OTULINL: variants seen among roughly 807,000 people sequenced by gnomAD.
The protein encoded by OTULINL is OTU deubiquitinase with linear linkage specificity like.
Under a neutral mutation model 43.9 loss-of-function variants are expected in OTULINL, and 42 were observed. The observed-to-expected ratio is 0.96, with a 90% CI of 0.75 to 1.24. The LOEUF is 1.24. Ranked by LOEUF, OTULINL falls within the 50% of genes most tolerant of loss-of-function variation. The probability of loss-of-function intolerance (pLI) is 0.00; values close to 1 mark genes in which losing one functional copy is unlikely to be tolerated. For missense variants in OTULINL, 411 were observed against 426.4 expected, an observed-to-expected ratio of 0.96 and a Z score of 0.32; for synonymous variants, 172 against 153.6, an observed-to-expected ratio of 1.12 and a Z score of -0.88.
intron 1 of OTULINL, among the ~76,000 whole-genome samples, chr5:14,598,645 A>G (rs1759333463): frequency 6.6e-6 from 1 of 152,178 alleles, no homozygotes; most frequent in Non-Finnish European, 1.5e-5. Flanking sequence ...TAAGAGTTTG[A>G]GGTTGCAGTG....
chr5:14,591,756 A>C (rs1445447827), intron 1 of OTULINL, among the ~76,000 whole-genome samples: 1 of 152,148 alleles, frequency 6.6e-6, no homozygotes, highest in Non-Finnish European at 1.5e-5. Context: ...GTAGCTGTGC[A>C]GTACAATCAC....
At chr5:14,582,347 G>A (rs1231719245) in intron 1 of OTULINL, among the ~76,000 whole-genome samples, 1 of 152,018 alleles carries the variant, frequency 6.6e-6, no homozygotes, top group South Asian at 2.1e-4. Flanking sequence ...CGAGCCCGGG[G>A]CGCGTGGACC....
intron 1 of OTULINL, among the ~76,000 whole-genome samples, chr5:14,596,994 T>G (rs1236278651): frequency 6.6e-6 from 1 of 152,176 alleles, no homozygotes; most frequent in South Asian, 2.1e-4. Flanking sequence ...AAAACTAACA[T>G]GTAGGACACA....
chr5:14,592,269 T>C (rs1300671130), intron 1 of OTULINL, among the ~76,000 whole-genome samples: 1 of 152,142 alleles, frequency 6.6e-6, no homozygotes, highest in Non-Finnish European at 1.5e-5. Context: ...AAAGATATCA[T>C]GTAGGGACTG....
rs1338669318 is a variant in OTULINL, at chr5:14,610,951, G to A, written c.*637G>A. On this transcript the variant is annotated 3_prime_UTR_variant, in exon 8 of 8. Transcript: ENST00000274217. ...ACTACTTTGTAATAGTGTACAGTTT[G>A]TTTTATATCTCTTTACTTTTTTTGT... The A allele has an allele frequency of 3.9e-5, 6 of 152,036 alleles. No individual in the cohort carries two copies. The highest frequency in any genetic ancestry group is 2.9e-5 in the Non-Finnish European group (2 of 68,004). 9.4% of individuals were successfully genotyped at this position (152,036 alleles called of 1,614,324 possible).
Position 14,610,275 on chromosome 5 carries a change from G to T in OTULINL, c.1032G>T (p.Leu344=). The change falls in exon 8 of 8, where the codon CTG becomes CTT. Residue 344 remains leucine (L), a synonymous_variant. Transcript: ENST00000274217. The part of the protein sequence containing the change: ...PLRDWPEISL[L]TENDRHYHIP... ...GGGACTGGCCGGAGATCTCCCTGCT[G>T]ACCGAGAACGACCGCCACTACCACA... The T allele has an allele frequency of 6.2e-7, 1 of 1,612,462 alleles. No individual in the cohort carries two copies. Among genetic ancestry groups the T allele is most frequent in the Non-Finnish European group, 8.5e-7 (1 of 1,179,376 alleles).
intron 1 of OTULINL, among the ~76,000 whole-genome samples, chr5:14,589,027 C>T (rs896907942): frequency 5.9e-5 from 9 of 152,058 alleles, no homozygotes; most frequent in African/African-American, 1.9e-4. Context: ...GACACATGGA[C>T]GGGATCCTGA....
chr5:14,594,847 G>T (rs1292018676), intron 1 of OTULINL, among the ~76,000 whole-genome samples: 2 of 151,846 alleles, frequency 1.3e-5, no homozygotes, highest in Non-Finnish European at 2.9e-5. Context: ...TCCTCTGCTT[G>T]CTCACCCACC....
chr5:14,611,733 CTG>C lies in OTULINL; in HGVS notation c.*1421_*1422del, dbSNP rs1759586339. 1 of 151,686 alleles carries C rather than the reference CTG, an allele frequency of 6.6e-6. No homozygotes were observed. Among genetic ancestry groups the C allele is most frequent in the African/African-American group, 2.4e-5 (1 of 41,270 alleles). The allele number at this position is 151,686 out of a possible 1,614,324, so 9.4% of individuals were successfully genotyped here. A position where few individuals can be genotyped will look rare whatever the true frequency, so the allele number is the denominator to read the frequency against. On this transcript the variant is annotated 3_prime_UTR_variant, in exon 8 of 8. Transcript: ENST00000274217. ...TTTTTTTTGGAGGTACTTTGCTAGT[CTG>C]TTTTGAGTTTCAGTACATAAGAATA...
intron 1 of OTULINL, among the ~76,000 whole-genome samples, chr5:14,587,258 G>C (rs1186591031): frequency 1.3e-5 from 2 of 152,210 alleles, no homozygotes; most frequent in African/African-American, 2.4e-5. Context: ...ACTCTCTAGA[G>C]TTAAGAAAGA....
intron 5 of OTULINL, among the ~76,000 whole-genome samples, chr5:14,605,180 T>A (rs1353613899): frequency 6.6e-6 from 1 of 152,232 alleles, no homozygotes; most frequent in African/African-American, 2.4e-5. Context: ...TCTTGACTTC[T>A]GTGTACCCAC....
chr5:14,610,066 C>T, intron 7 of OTULINL, 75 bp from the exon 8 acceptor site: 1 of 1,310,422 alleles, frequency 7.6e-7, no homozygotes, highest in Non-Finnish European at 1.1e-6. Flanking sequence ...TGCAGAGGAA[C>T]ACTTCCCCCC....
rs114879278 is a variant in OTULINL at position 14,607,381 on chromosome 5, A to G, written c.550A>G (p.Ser184Gly). The change falls in exon 6 of 8, where the codon AGT becomes GGT. Residue 184 changes from serine (S) to glycine (G), a missense_variant. Physicochemically the swap from Ser to Gly is moderately conservative, Grantham distance 56 (BLOSUM62 0). Coordinates refer to ENST00000274217, the MANE Select transcript of OTULINL (RefSeq NM_019018.3). Reference sequence around the variant, plus strand: ...AGGTTGTAATTGGATTCAGCAGTACAGTTTTGGTCCTGAGAAGTATACAGG... The same window carrying G: ...AGGTTGTAATTGGATTCAGCAGTACGGTTTTGGTCCTGAGAAGTATACAGG... ...SQGCNWIQQYSFGPEKYTGSN... is the reference protein window; with the variant it reads ...SQGCNWIQQYGFGPEKYTGSN... The G allele has an allele frequency of 2.4e-5, 39 of 1,614,170 alleles. No homozygotes were observed. The highest frequency in any genetic ancestry group is 1.6e-4 in the Middle Eastern group (1 of 6,062).
In OTULINL at chr5:14,610,373, G is replaced by A. The variant is rs552316355; in HGVS notation, c.*59G>A. 11 of 1,558,140 alleles carry A rather than the reference G, an allele frequency of 7.1e-6. No individual in the cohort carries two copies. In the East Asian group the frequency reaches 2.0e-4, roughly 29 times the overall value. Reference sequence around the variant, plus strand: ...TGACGGTGGTCACAGTTGCAATAAAGTCTCTCTCTGAAACCAAAGCTAGCA... The same window carrying A: ...TGACGGTGGTCACAGTTGCAATAAAATCTCTCTCTGAAACCAAAGCTAGCA... On this transcript the variant is annotated 3_prime_UTR_variant, in exon 8 of 8. Coordinates refer to ENST00000274217, the MANE Select transcript of OTULINL (RefSeq NM_019018.3).
At chr5:14,602,142 C>G in intron 4 of OTULINL, 41 bp from the exon 5 acceptor site, 1 of 1,487,222 alleles carries the variant, frequency 6.7e-7, no homozygotes, top group African/African-American at 1.4e-5. Flanking sequence ...TTTTCTTGTC[C>G]AGTGGAATTA....
At chr5:14,582,024 C>A in intron 1 of OTULINL, 66 bp downstream of exon 1, 1 of 1,129,564 alleles carries the variant, frequency 8.9e-7, no homozygotes, top group Non-Finnish European at 1.1e-6. Flanking sequence ...CGGGCGGGGT[C>A]GCAGGCAGCC....
At chr5:14,596,771 A>C (rs1759295080) in intron 1 of OTULINL, among the ~76,000 whole-genome samples, 1 of 152,152 alleles carries the variant, frequency 6.6e-6, no homozygotes, top group South Asian at 2.1e-4. Flanking sequence ...TGGGGAGTCC[A>C]AGAGCACAGC....
chr5:14,602,224 T>G lies in OTULINL; in HGVS notation c.390T>G (p.Val130=). ...ELFWRHHIKC[V]RQVRRDNYDA... ...TTTGGCGGCATCACATTAAATGTGT[T>G]CGACAAGTAAGGAGAGATAACTATG... The change falls in exon 5 of 8, where the codon GTT becomes GTG. Residue 130 remains valine, a synonymous_variant. Transcript: ENST00000274217. 8 of 1,613,184 alleles carry G rather than the reference T, an allele frequency of 5.0e-6. No individual in the cohort carries two copies. Among genetic ancestry groups the G allele is most frequent in the Non-Finnish European group, 5.1e-6 (6 of 1,179,670 alleles).
At chr5:14,598,775 A>T (rs557925924) in intron 1 of OTULINL, among the ~76,000 whole-genome samples, 13 of 152,350 alleles carry the variant, frequency 8.5e-5, no homozygotes, top group African/African-American at 2.9e-4. Flanking sequence ...TGCATCATTA[A>T]AAAGAATAAT....
Sources: allele counts gnomAD v4.1 joint callset (sites outside exome capture counted in the v4.1 genomes callset), GRCh38; gene constraint gnomAD v4.1.1; transcripts MANE v1.5; gene names NCBI Gene and HGNC (gene_info 2026-07-23, HGNC 2026-07-21).